Variants in VDR observed in about 807,000 individuals in gnomAD.
VDR encodes the protein vitamin D3 receptor.
In VDR, 19 loss-of-function variants were observed where a neutral mutation model predicts 39.7. The ratio of observed to expected loss-of-function variants is 0.48; its 90% confidence interval spans 0.33 to 0.70. The LOEUF (loss-of-function observed/expected upper bound fraction) is 0.70. Ranked by LOEUF, VDR falls within the 30% of genes least tolerant of loss-of-function variation. VDR has a pLI of 0.02. For synonymous variants in VDR, 242 were observed against 215.8 expected (o/e 1.12, Z -1.07); for missense variants, 442 against 570.5 (o/e 0.77, Z 2.29).
chr12:47,882,878 C>T (rs1946184300), intron 1 of VDR, 104 bp from the exon 2 acceptor site: 1 of 856,318 alleles, frequency 1.2e-6, no homozygotes, highest in Non-Finnish European at 1.8e-6. Flanking sequence ...GACTTTAGTC[C>T]CCAGATCAGT....
intron 4 of VDR, among the ~76,000 whole-genome samples, chr12:47,864,047 G>A (rs1044205710): frequency 2.0e-5 from 3 of 152,288 alleles, no homozygotes; most frequent in South Asian, 2.1e-4. Context: ...TCCCCACCCC[G>A]ACTCCGACTC....
intron 1 of VDR, among the ~76,000 whole-genome samples, chr12:47,889,092 G>C (rs1946314443): frequency 6.6e-6 from 1 of 152,064 alleles, no homozygotes; most frequent in Non-Finnish European, 1.5e-5. Flanking sequence ...AAAAACAAGA[G>C]AGGAGAAGTA....
intron 3 of VDR, among the ~76,000 whole-genome samples, chr12:47,866,590 A>G (rs368723635): frequency 3.3e-5 from 5 of 152,332 alleles, no homozygotes; most frequent in East Asian, 1.9e-4. Context: ...AGCTCTAGAC[A>G]TCCCAGAACC....
intron 3 of VDR, among the ~76,000 whole-genome samples, chr12:47,866,911 G>A (rs527958519): frequency 2.0e-5 from 3 of 152,000 alleles, no homozygotes; most frequent in Non-Finnish European, 2.9e-5. Context: ...CAGGAGAGTC[G>A]TTTGAACCCA....
chr12:47,881,640 A>C (rs1184410684), intron 2 of VDR, among the ~76,000 whole-genome samples: 1 of 152,154 alleles, frequency 6.6e-6, no homozygotes, highest in Non-Finnish European at 1.5e-5. Context: ...AAAACACTAC[A>C]TCTATGTTTT....
chr12:47,867,055 A>G (rs1945750699), intron 3 of VDR, among the ~76,000 whole-genome samples: 3 of 151,184 alleles, frequency 2.0e-5, no homozygotes, highest in Admixed American at 2.0e-4. Flanking sequence ...GTTCTTAGCT[A>G]GAAAGGTGGC....
At chr12:47,894,472 A>C (rs1946428372) in intron 1 of VDR, among the ~76,000 whole-genome samples, 1 of 152,192 alleles carries the variant, frequency 6.6e-6, no homozygotes, top group South Asian at 2.1e-4. Flanking sequence ...AGTTGCTGCC[A>C]GGTGGGCTGC....
intron 3 of VDR, among the ~76,000 whole-genome samples, chr12:47,870,195 G>A (rs764068582): frequency 1.4e-4 from 21 of 152,152 alleles, no homozygotes; most frequent in South Asian, 4.1e-4. Context: ...GTTCTTCCCT[G>A]TTCTCCTGCC....
intron 1 of VDR, among the ~76,000 whole-genome samples, chr12:47,887,300 C>T (rs1182956861): frequency 6.5e-5 from 6 of 91,886 alleles, no homozygotes; most frequent in South Asian, 4.0e-4. Context: ...CCAGCCTGGG[C>T]GACAAGAGTA....
chr12:47,867,868 T>C (rs974276785), intron 3 of VDR, among the ~76,000 whole-genome samples: 13 of 152,154 alleles, frequency 8.5e-5, no homozygotes, highest in African/African-American at 3.1e-4. Flanking sequence ...TTGAGGGGAA[T>C]CGCACTCATC....
chr12:47,876,805 G>A (rs1463620838), intron 3 of VDR, among the ~76,000 whole-genome samples: 1 of 152,202 alleles, frequency 6.6e-6, no homozygotes, highest in African/African-American at 2.4e-5. Context: ...GTGTCCAAGG[G>A]CAGCAACTAC....
In VDR at chr12:47,846,321, G is replaced by T; in HGVS notation, c.1024+14C>A. On this transcript the variant is annotated intron_variant, in intron 9 of 9. Coordinates refer to ENST00000549336, the MANE Select transcript of VDR (RefSeq NM_000376.3). Reference sequence around the variant, plus strand: ...TCCCCAGGTCCCTGAGCTCCTCCCTGCCTGGCCCCATACCTGGGGAGACGA... The same window carrying T: ...TCCCCAGGTCCCTGAGCTCCTCCCTTCCTGGCCCCATACCTGGGGAGACGA... The T allele has an allele frequency of 6.2e-7, 1 of 1,605,070 alleles. No individual in the cohort carries two copies.
chr12:47,900,036 A>G, intron 1 of VDR: 1 of 801,584 alleles, frequency 1.2e-6, no homozygotes, highest in Non-Finnish European at 1.5e-6. Context: ...CAATCAGCAC[A>G]TAGTAGGTTT....
intron 3 of VDR, among the ~76,000 whole-genome samples, chr12:47,871,446 C>T (rs1945875993): frequency 7.1e-6 from 1 of 141,030 alleles, no homozygotes; most frequent in Non-Finnish European, 1.5e-5. Flanking sequence ...TCCTTCCTTC[C>T]TTCTTTTCTC....
chr12:47,877,047 T>C (rs959608609), intron 3 of VDR, among the ~76,000 whole-genome samples: 2 of 152,172 alleles, frequency 1.3e-5, no homozygotes, highest in Admixed American at 1.3e-4. Context: ...CCTAGCCCAA[T>C]GCCAGATTAT....
chr12:47,904,544 C>T (rs1450733898), intron 1 of VDR: 3 of 1,521,482 alleles, frequency 2.0e-6, no homozygotes, highest in Non-Finnish European at 2.6e-6. Flanking sequence ...CCCTGTAAGA[C>T]AATAAATAAG....
chr12:47,882,659 G>T, intron 2 of VDR, 35 bp downstream of exon 2: 2 of 232,198 alleles, frequency 8.6e-6, no homozygotes. Context: ...AAAACAGAAA[G>T]CCAGGGAAGT....
At chr12:47,870,261 C>T (rs985477735) in intron 3 of VDR, among the ~76,000 whole-genome samples, 4 of 152,242 alleles carry the variant, frequency 2.6e-5, no homozygotes, top group South Asian at 2.1e-4. Context: ...CACGAGGAGT[C>T]AGGGCAGCCA....
At chr12:47,864,470 T>C (rs1334935834) in intron 4 of VDR, among the ~76,000 whole-genome samples, 1 of 152,210 alleles carries the variant, frequency 6.6e-6, no homozygotes, top group Non-Finnish European at 1.5e-5. Flanking sequence ...GACTCTTTCC[T>C]CCTGGTCTCT....
Sources: gnomAD v4.1 joint callset for allele counts (sites outside exome capture counted in the v4.1 genomes callset) on GRCh38, gnomAD v4.1.1 for gene constraint, MANE v1.5 for transcripts, NCBI Gene and HGNC (gene_info 2026-07-23, HGNC 2026-07-21) for gene names.